The following HMCN2 variants were observed in gnomAD, a reference collection of about 807,000 sequenced individuals.
HMCN2 encodes the protein hemicentin-2.
Under a neutral mutation model 377.5 loss-of-function variants are expected in HMCN2, and 325 were observed. The observed-to-expected ratio is 0.86, with a 90% CI of 0.79 to 0.94. The LOEUF is 0.94. Among genes scored for constraint, HMCN2 ranks in the 40% least tolerant of loss-of-function variants. The probability of loss-of-function intolerance (pLI) is 0.00; values close to 1 mark genes in which losing one functional copy is unlikely to be tolerated. For missense variants in HMCN2, 4,543 were observed against 4,725.3 expected (o/e 0.96, Z 1.13); for synonymous variants, 2,007 against 2,046.8 (o/e 0.98, Z 0.53).
At chr9:130,312,539 CCTTTCTTTCTTT>C (rs1187968109) in intron 15 of HMCN2, among the ~76,000 whole-genome samples, 167 of 6,610 alleles carry the variant, frequency 0.025, 7 homozygotes, top group Middle Eastern at 0.12. Context: ...CTCCCTCCCT[CCTTTCTTTCTTT>C]CTTTCTTTCT....
chr9:130,309,044 T>C lies in HMCN2; in HGVS notation c.2201-868T>C, dbSNP rs915530274. Among the ~76,000 whole-genome samples the C allele has an allele frequency of 5.3e-5, 8 of 152,266 alleles. 1 individual carries two copies. The highest frequency in any genetic ancestry group is 1.9e-4 in the African/African-American group (8 of 41,472). ...AGTGATGGCCACACAACAGTGTGAA[T>C]GCACTGGATGCCACTGAGCTGGCTG... On this transcript the variant is annotated intron_variant, in intron 14 of 97. Transcript: ENST00000683500.
intron 84 of HMCN2, 101 bp downstream of exon 84, chr9:130,409,034 C>T (rs1843267056): frequency 1.5e-5 from 12 of 803,092 alleles, no homozygotes; most frequent in Non-Finnish European, 2.1e-5. Context: ...TCTGCTTCTG[C>T]AGTGTACAAA....
rs1396823903 is a variant in HMCN2, at chr9:130,395,086, G to C, written c.10752G>C (p.Lys3584Asn). The C allele has an allele frequency of 5.5e-6, 7 of 1,283,344 alleles. No individual in the cohort carries two copies. The highest frequency in any genetic ancestry group is 7.1e-6 in the Non-Finnish European group (7 of 986,750). 79.5% of individuals were successfully genotyped at this position (1,283,344 alleles called of 1,614,324 possible). Residue 3584 changes from lysine to asparagine, a missense_variant, in exon 70 of 98, where the codon AAG (lysine) becomes AAC (asparagine). Lys to Asn is a moderately conservative substitution (Grantham distance 94). Transcript: ENST00000683500. The part of the protein sequence containing the change: ...LAESPAGAIE[K>N]SFRVRVQAPP... ...AAAGCCCTGCAGGTGCAATTGAGAA[G>C]AGCTTCCGGGTCAGGGTTCAAGGTA...
chr9:130,353,677 CAGGTTCACACCCCT>C (rs1274476785), intron 31 of HMCN2, among the ~76,000 whole-genome samples: 1 of 152,202 alleles, frequency 6.6e-6, no homozygotes, highest in Non-Finnish European at 1.5e-5. Context: ...GAGGTTTCCC[CAGGTTCACACCCCT>C]AGGAGGTGGT....
rs559936820 is a variant in HMCN2 at position 130,285,218 on chromosome 9, A to G, written c.391A>G (p.Asn131Asp). ...GAIKAAVEVANPGSFIYVFSD... is the reference protein window; with the variant it reads ...GAIKAAVEVADPGSFIYVFSD... ...CATTAAGGCTGCCGTGGAGGTTGCC[A>G]ACCCCGGATCCTTCATCTACGTCTT... is the stretch of plus-strand genomic sequence containing the variant. Residue 131 changes from asparagine (N) to aspartate (D), a missense_variant, in exon 3 of 98, where the codon AAC becomes GAC. Physicochemically the swap from Asn to Asp is conservative, Grantham distance 23. This residue lies in a region of HMCN2 where 547 missense variants were observed against 189.9 expected (regional missense o/e 2.88). Transcript: ENST00000683500. 1.0e-4 allele frequency: 48 copies of G among 471,050 alleles called. No individual in the cohort carries two copies. Among genetic ancestry groups the G allele is most frequent in the Non-Finnish European group, 1.7e-4 (39 of 227,066 alleles). 29.2% of individuals were successfully genotyped at this position (471,050 alleles called of 1,614,324 possible).
At position 130,348,625 on chromosome 9, in the gene HMCN2, G is replaced by A. The variant is rs531001000; in HGVS notation, c.4105G>A (p.Ala1369Thr). 1.1e-5 allele frequency: 14 copies of A among 1,304,230 alleles called. No homozygotes were observed. The highest frequency in any genetic ancestry group is 5.6e-5 in the East Asian group (1 of 18,012). 80.8% of individuals were successfully genotyped at this position (1,304,230 alleles called of 1,614,324 possible). ...AGQSLTLECDANGFPVPEIVW... is the reference protein window; with the variant it reads ...AGQSLTLECDTNGFPVPEIVW... Reference sequence around the variant, plus strand: ...GCAGTCCCTGACGCTGGAGTGTGACGCGAACGGCTTTCCAGTCCCTGAGAT... The same window carrying A: ...GCAGTCCCTGACGCTGGAGTGTGACACGAACGGCTTTCCAGTCCCTGAGAT... Residue 1369 changes from alanine to threonine, a missense_variant, in exon 27 of 98, where the codon GCG becomes ACG. This residue lies in a region of HMCN2 where 1,032 missense variants were observed against 1,285.1 expected (regional missense o/e 0.80). Coordinates refer to ENST00000683500, the MANE Select transcript of HMCN2 (RefSeq NM_001291815.2).
intron 4 of HMCN2, among the ~76,000 whole-genome samples, chr9:130,291,487 G>C (rs1041525803): frequency 6.6e-6 from 1 of 152,162 alleles, no homozygotes; most frequent in Non-Finnish European, 1.5e-5. Context: ...TGGGATTATA[G>C]GCATGAGCCA....
chr9:130,427,065 G>C (rs1286166357), intron 90 of HMCN2, among the ~76,000 whole-genome samples: 1 of 152,206 alleles, frequency 6.6e-6, no homozygotes, highest in African/African-American at 2.4e-5. Flanking sequence ...TGGTTTTCCT[G>C]GGGCTGCCTG....
chr9:130,426,111 C>G (rs753082038), intron 90 of HMCN2, among the ~76,000 whole-genome samples, 187 bp downstream of exon 90: 3 of 152,186 alleles, frequency 2.0e-5, no homozygotes, highest in Non-Finnish European at 2.9e-5. Flanking sequence ...ATCCACCCCC[C>G]ACTCCTCACA....
At chr9:130,368,223 A>G (rs1840800825) in intron 43 of HMCN2, 53 bp from the exon 44 acceptor site, 1 of 973,814 alleles carries the variant, frequency 1.0e-6, no homozygotes, top group Non-Finnish European at 1.2e-6. Context: ...GTGGAAAGAC[A>G]TCACGTCCTT....
At chr9:130,314,237 G>C (rs1837423055) in intron 15 of HMCN2, among the ~76,000 whole-genome samples, 2 of 152,194 alleles carry the variant, frequency 1.3e-5, no homozygotes, top group South Asian at 4.1e-4. Flanking sequence ...GAGGGGAGTT[G>C]GGGAGAAATG....
intron 21 of HMCN2, among the ~76,000 whole-genome samples, chr9:130,326,768 G>A (rs1028027654): frequency 6.6e-6 from 1 of 152,026 alleles, no homozygotes; most frequent in South Asian, 2.1e-4. Flanking sequence ...GCGGGGAGCG[G>A]GGAGGAAGGA....
chr9:130,382,857 A>C lies in HMCN2; in HGVS notation c.8724A>C (p.Gln2908His). Residue 2908 changes from glutamine to histidine, a missense_variant, in exon 56 of 98, where the codon CAA becomes CAC. By Grantham distance (24) the Gln-to-His change is conservative (BLOSUM62 0). Coordinates refer to ENST00000683500, the MANE Select transcript of HMCN2 (RefSeq NM_001291815.2). ...SPRLQVLEDG[Q>H]VLQVSTAEVA... ...GGCTGCAGGTCCTGGAGGACGGGCA[A>C]GTCTTGCAGGTCAGGGCAGCCCCCT... The C allele has an allele frequency of 1.0e-6, 1 of 985,856 alleles. No individual in the cohort carries two copies. The highest frequency in any genetic ancestry group is 1.7e-5 in the African/African-American group (1 of 57,364). 61.1% of individuals were successfully genotyped at this position (985,856 alleles called of 1,614,324 possible).
At position 130,347,105 on chromosome 9, in the gene HMCN2, T is replaced by C. The variant is rs1307638980; in HGVS notation, c.3830-61T>C. 4 of 152,314 alleles carry C rather than the reference T, an allele frequency of 2.6e-5. No homozygotes were observed. Among genetic ancestry groups the C allele is most frequent in the East Asian group, 1.9e-4 (1 of 5,172 alleles). The allele number at this position is 152,314 out of a possible 1,614,324, so 9.4% of individuals were successfully genotyped here. ...CACAGGAGAGACATGTGGGAGACAG[T>C]GCAGGTGTGGAGGGGAAGGTGTCAG... On this transcript the variant is annotated intron_variant, in intron 25 of 97. Coordinates refer to ENST00000683500, the MANE Select transcript of HMCN2 (RefSeq NM_001291815.2). This position sits in a 1 kb window ranked among gnomAD's most constrained non-coding sequence, Gnocchi z 5.1.
At chr9:130,267,905 C>T (rs1834211633) in intron 1 of HMCN2, among the ~76,000 whole-genome samples, 1 of 152,254 alleles carries the variant, frequency 6.6e-6, no homozygotes, top group African/African-American at 2.4e-5. Context: ...CCCCAGCTCT[C>T]TCACCCACTT....
chr9:130,430,768 A>C, intron 95 of HMCN2, 164 bp downstream of exon 95: 1 of 656,922 alleles, frequency 1.5e-6, no homozygotes. Flanking sequence ...AGGGTGTCTC[A>C]GAGCCTTGGC....
Position 130,278,036 on chromosome 9 carries a change from C to T in HMCN2, c.260-6567C>T, listed in dbSNP as rs797027684. 1.1e-4 allele frequency among the ~76,000 whole-genome samples: 8 copies of T among 69,730 alleles called. 2 individuals are homozygous for T. The highest frequency in any genetic ancestry group is 4.9e-4 in the African/African-American group (8 of 16,256). 45.7% of individuals were successfully genotyped at this position (69,730 alleles called of 152,430 possible). ...ATCATCACCACCACCACGATCATCA[C>T]CACCACCATCATCATTACCACCACC... On this transcript the variant is annotated intron_variant, in intron 1 of 97. Transcript: ENST00000683500.
chr9:130,389,301 C>A (rs984041851), intron 62 of HMCN2, among the ~76,000 whole-genome samples: 1 of 152,212 alleles, frequency 6.6e-6, no homozygotes, highest in Admixed American at 6.5e-5. Context: ...GTAGTACAGT[C>A]ACAGAGTTGT....
chr9:130,343,380 G>A lies in HMCN2; in HGVS notation c.3829+944G>A, dbSNP rs887785133. 8.8e-3 allele frequency among the ~76,000 whole-genome samples: 1,343 copies of A among 152,294 alleles called. 7 individuals carry two copies. The highest frequency in any genetic ancestry group is 0.013 in the Non-Finnish European group (860 of 68,020). Reference sequence around the variant, plus strand: ...TTGGTTGTTGCTCTGTGAGCCACAGGACGCCCTGGAAGGCCCCAGAAAAGG... The same window carrying A: ...TTGGTTGTTGCTCTGTGAGCCACAGAACGCCCTGGAAGGCCCCAGAAAAGG... On this transcript the variant is annotated intron_variant, in intron 25 of 97. Transcript: ENST00000683500.
Sources: allele counts gnomAD v4.1 joint callset (sites outside exome capture counted in the v4.1 genomes callset), GRCh38; gene constraint gnomAD v4.1.1; regional missense constraint gnomAD v4.1.1; non-coding constraint Gnocchi (gnomAD v3.1); transcripts MANE v1.5; gene names NCBI Gene and HGNC (gene_info 2026-07-23, HGNC 2026-07-21).